ERBB4: variants seen among roughly 807,000 people sequenced by gnomAD.
ERBB4 encodes the protein receptor tyrosine-protein kinase erbB-4.
In ERBB4, 42 loss-of-function variants were observed where a neutral mutation model predicts 158.0. That is an observed-to-expected ratio of 0.27 (90% CI 0.21 to 0.34). The LOEUF is 0.34. ERBB4 is among the 10% of genes least tolerant of loss of function. ERBB4 has a pLI of 1.00. For synonymous variants in ERBB4, 583 were observed against 558.7 expected, an observed-to-expected ratio of 1.04 and a Z score of -0.61; for missense variants, 1,333 against 1,624.1, an observed-to-expected ratio of 0.82 and a Z score of 3.08.
intron 2 of ERBB4, among the ~76,000 whole-genome samples, chr2:211,977,531 T>A (rs368327085): frequency 0.023 from 1,533 of 67,660 alleles, 70 homozygotes; most frequent in Middle Eastern, 0.086. Context: ...ATATTGACTT[T>A]AAAAAAAAAA....
chr2:212,506,039 T>TTCTGCATC (rs1188560182), intron 1 of ERBB4, among the ~76,000 whole-genome samples: 1 of 149,016 alleles, frequency 6.7e-6, no homozygotes, highest in Non-Finnish European at 1.5e-5. Flanking sequence ...CATATGTTAA[T>TTCTGCATC]TCTGCATCTC....
intron 2 of ERBB4, among the ~76,000 whole-genome samples, chr2:212,118,355 C>T (rs1376502285): frequency 6.6e-6 from 1 of 152,140 alleles, no homozygotes; most frequent in African/African-American, 2.4e-5. Flanking sequence ...GCTAATGAAG[C>T]CAAAGTCTTT....
chr2:212,059,366 C>T (rs1225906970), intron 2 of ERBB4, among the ~76,000 whole-genome samples: 4 of 152,100 alleles, frequency 2.6e-5, no homozygotes, highest in Non-Finnish European at 5.9e-5. Context: ...GCCATATTGC[C>T]CAAGGTAATT....
At position 212,334,585 on chromosome 2, in the gene ERBB4, T is replaced by A. The variant is rs189258530; in HGVS notation, c.82+203864A>T. Among the ~76,000 whole-genome samples the A allele has an allele frequency of 2.7e-3, 407 of 152,126 alleles. 1 individual carries two copies. The highest frequency in any genetic ancestry group is 4.3e-3 in the Non-Finnish European group (293 of 67,920). On this transcript the variant is annotated intron_variant, in intron 1 of 27. Transcript: ENST00000342788. ...AATATAGAATTTATTTTAGCACTCA[T>A]CATATTGCATTATAATTATTTGTTT...
intron 2 of ERBB4, among the ~76,000 whole-genome samples, chr2:211,958,570 A>T (rs1242488873): frequency 6.6e-6 from 1 of 152,118 alleles, no homozygotes; most frequent in Non-Finnish European, 1.5e-5. Flanking sequence ...CTGCAGTGAA[A>T]TAACTTGCCC....
chr2:212,007,208 CTGTT>C (rs895631402), intron 2 of ERBB4, among the ~76,000 whole-genome samples: 4 of 151,776 alleles, frequency 2.6e-5, no homozygotes, highest in Non-Finnish European at 5.9e-5. Flanking sequence ...GATGATAAAT[CTGTT>C]TGATTACATG....
At chr2:212,209,908 AG>A (rs1312832975) in intron 1 of ERBB4, among the ~76,000 whole-genome samples, 1 of 152,104 alleles carries the variant, frequency 6.6e-6, no homozygotes, top group Non-Finnish European at 1.5e-5. Context: ...CATTCAAACC[AG>A]TCAGCCTATT....
rs771481825 is a variant in ERBB4 at position 211,576,575 on chromosome 2, C to G, written c.2302-14487G>C. Reference sequence around the variant, plus strand: ...ATGTTTGCAGGAAATAACTAGCCATCTTTCATTCATTAATTTATTAACTCA... The same window carrying G: ...ATGTTTGCAGGAAATAACTAGCCATGTTTCATTCATTAATTTATTAACTCA... On this transcript the variant is annotated intron_variant, in intron 19 of 27. Transcript: ENST00000342788. Among the ~76,000 whole-genome samples the G allele has an allele frequency of 1.4e-3, 220 of 152,240 alleles. No individual in the cohort carries two copies. In the Middle Eastern group the frequency reaches 0.038, roughly 26 times the overall value.
intron 3 of ERBB4, among the ~76,000 whole-genome samples, chr2:211,910,568 CT>C (rs1559080748): frequency 1.3e-5 from 2 of 151,528 alleles, no homozygotes; most frequent in Non-Finnish European, 1.5e-5. Context: ...ACATTGGGGT[CT>C]TTTGCAGGGT....
intron 8 of ERBB4, 106 bp downstream of exon 8, chr2:211,713,429 G>A (rs1575033481): frequency 1.4e-6 from 1 of 730,210 alleles, no homozygotes; most frequent in Non-Finnish European, 2.5e-6. Flanking sequence ...GGGTAGGTTT[G>A]GTTGTGAGAG....
chr2:212,109,781 A>G (rs1198443291), intron 2 of ERBB4, among the ~76,000 whole-genome samples: 1 of 152,240 alleles, frequency 6.6e-6, no homozygotes, highest in Non-Finnish European at 1.5e-5. Context: ...ATATTAATAA[A>G]TAATAAGATA....
intron 2 of ERBB4, among the ~76,000 whole-genome samples, chr2:212,105,089 T>A (rs2079186936): frequency 6.6e-6 from 1 of 152,156 alleles, no homozygotes; most frequent in African/African-American, 2.4e-5. Context: ...AAAAATCAGA[T>A]GACTTCTGGA....
rs145582353 is a variant in ERBB4, at chr2:211,746,931, G to C, written c.622+3708C>G. Among the ~76,000 whole-genome samples, 529 of 151,820 alleles carry C rather than the reference G, an allele frequency of 3.5e-3. 5 individuals carry two copies. The highest frequency in any genetic ancestry group is 3.4e-3 in the Middle Eastern group (1 of 292). ...GTGTAGCTGGACCTCACGGAACCCA[G>C]AGAACTAGGAGGTAAACATTGTCAA... On this transcript the variant is annotated intron_variant, in intron 5 of 27. Coordinates refer to ENST00000342788, the MANE Select transcript of ERBB4 (RefSeq NM_005235.3).
intron 3 of ERBB4, among the ~76,000 whole-genome samples, chr2:211,822,679 T>G (rs1461766019): frequency 6.6e-6 from 1 of 151,988 alleles, no homozygotes; most frequent in Non-Finnish European, 1.5e-5. Flanking sequence ...GTTGGGGAGA[T>G]TTATATAAAA....
At chr2:212,172,809 G>A (rs575950949) in intron 1 of ERBB4, among the ~76,000 whole-genome samples, 33 of 151,968 alleles carry the variant, frequency 2.2e-4, no homozygotes, top group Non-Finnish European at 3.5e-4. Flanking sequence ...AAGGGAGGGG[G>A]TCAGGAAGAA....
At chr2:211,503,486 A>T (rs920198672) in intron 20 of ERBB4, among the ~76,000 whole-genome samples, 2 of 152,098 alleles carry the variant, frequency 1.3e-5, no homozygotes, top group Non-Finnish European at 2.9e-5. Context: ...CCCCACATTG[A>T]TCTGCCTGAG....
chr2:212,289,954 G>A (rs1307189425), intron 1 of ERBB4, among the ~76,000 whole-genome samples: 3 of 151,868 alleles, frequency 2.0e-5, no homozygotes, highest in Non-Finnish European at 4.4e-5. Flanking sequence ...GAAAATATAA[G>A]GAAAACAACT....
chr2:211,753,569 T>G (rs1297969319), intron 4 of ERBB4, among the ~76,000 whole-genome samples: 1 of 151,420 alleles, frequency 6.6e-6, no homozygotes, highest in African/African-American at 2.4e-5. Context: ...GAAAGAAGAG[T>G]TGGATGAAAG....
intron 12 of ERBB4, among the ~76,000 whole-genome samples, chr2:211,700,899 G>T (rs1469085294): frequency 6.6e-6 from 1 of 152,134 alleles, no homozygotes; most frequent in Non-Finnish European, 1.5e-5. Flanking sequence ...TTTGAGTTCG[G>T]ATTCTTTTTA....
Sources: allele counts gnomAD v4.1 joint callset (sites outside exome capture counted in the v4.1 genomes callset), GRCh38; gene constraint gnomAD v4.1.1; transcripts MANE v1.5; gene names NCBI Gene and HGNC (gene_info 2026-07-23, HGNC 2026-07-21).